Variants in CRACR2A observed in about 807,000 individuals in gnomAD.
CRACR2A encodes EF-hand calcium-binding domain-containing protein 4B.
A neutral mutation model predicts 90.5 loss-of-function variants in CRACR2A; 79 were observed. That is an observed-to-expected ratio of 0.87 (90% CI 0.73 to 1.05). The LOEUF is 1.05. Among genes scored for constraint, CRACR2A ranks in the 50% least tolerant of loss-of-function variants. The pLI is 0.00. For synonymous variants in CRACR2A, 338 were observed against 356.7 expected, an observed-to-expected ratio of 0.95 and a Z score of 0.59; for missense variants, 823 against 897.2, an observed-to-expected ratio of 0.92 and a Z score of 1.06.
At chr12:3,680,952 T>C (rs1423992935) in intron 4 of CRACR2A, among the ~76,000 whole-genome samples, 1 of 152,196 alleles carries the variant, frequency 6.6e-6, no homozygotes, top group Non-Finnish European at 1.5e-5. Flanking sequence ...GAGAGACTCA[T>C]GGCCCACTGA....
chr12:3,656,277 G>C, intron 9 of CRACR2A, 34 bp downstream of exon 9: 1 of 1,598,942 alleles, frequency 6.3e-7, no homozygotes, highest in Non-Finnish European at 8.6e-7. Context: ...AGAGTGAAGA[G>C]CCAGGTACTC....
chr12:3,643,815 A>G (rs1218747228), intron 12 of CRACR2A, among the ~76,000 whole-genome samples: 7 of 90,866 alleles, frequency 7.7e-5, no homozygotes, highest in African/African-American at 2.8e-4. Context: ...TTATATATAT[A>G]TTTATATTAT....
chr12:3,720,940 C>A (rs559291296), intron 2 of CRACR2A, among the ~76,000 whole-genome samples: 2 of 152,324 alleles, frequency 1.3e-5, no homozygotes, highest in South Asian at 4.1e-4. Flanking sequence ...AACACAACCC[C>A]ATGCAGGATG....
chr12:3,748,810 C>G (rs908974030), intron 1 of CRACR2A, among the ~76,000 whole-genome samples: 10 of 152,202 alleles, frequency 6.6e-5, no homozygotes, highest in African/African-American at 2.4e-4. Flanking sequence ...TTGTCCTCCC[C>G]CTCACCTCAG....
In CRACR2A at chr12:3,710,781, G is replaced by A. The variant is rs1283806993; in HGVS notation, c.-37+2456C>T. On this transcript the variant is annotated intron_variant, in intron 3 of 19. Transcript: ENST00000440314. The stretch of plus-strand genomic sequence containing the variant: ...GCACTCCAGCCTGGCGACAGAGCGA[G>A]GCTCCACCGCAAAAAAAAAAAAAAG... Among the ~76,000 whole-genome samples the A allele has an allele frequency of 5.4e-5, 8 of 147,534 alleles. No individual in the cohort carries two copies. In the Admixed American group the frequency reaches 5.5e-4, roughly 10 times the overall value.
intron 4 of CRACR2A, among the ~76,000 whole-genome samples, chr12:3,682,481 T>C (rs1945475007): frequency 6.6e-6 from 1 of 152,152 alleles, no homozygotes; most frequent in Admixed American, 6.5e-5. Context: ...GTCAGTTTCC[T>C]CCTCCCATTG....
chr12:3,712,660 T>C (rs1043176413), intron 3 of CRACR2A, among the ~76,000 whole-genome samples: 1 of 152,190 alleles, frequency 6.6e-6, no homozygotes, highest in African/African-American at 2.4e-5. Context: ...GGGATTACAA[T>C]TCAACATGAG....
chr12:3,691,501 C>A (rs573268702), intron 4 of CRACR2A, among the ~76,000 whole-genome samples: 1 of 151,990 alleles, frequency 6.6e-6, no homozygotes, highest in Non-Finnish European at 1.5e-5. Flanking sequence ...GGGTTTCTAC[C>A]GAGAAGTCTG....
chr12:3,735,345 G>C (rs1164024773), intron 1 of CRACR2A, among the ~76,000 whole-genome samples: 1 of 152,214 alleles, frequency 6.6e-6, no homozygotes, highest in East Asian at 1.9e-4. Flanking sequence ...AGGGTGCGGG[G>C]AGACCTGGCG....
chr12:3,644,553 A>G (rs1426163952), intron 12 of CRACR2A, 42 bp downstream of exon 12: 1 of 1,539,800 alleles, frequency 6.5e-7, no homozygotes, highest in East Asian at 2.4e-5. Context: ...AGTGGACCAC[A>G]GCCCTTGGTC....
At chr12:3,635,617 T>C (rs1944442058) in intron 14 of CRACR2A, among the ~76,000 whole-genome samples, 1 of 152,190 alleles carries the variant, frequency 6.6e-6, no homozygotes, top group Non-Finnish European at 1.5e-5. Context: ...GAACTCCTCC[T>C]GCCTCAGCCC....
intron 10 of CRACR2A, among the ~76,000 whole-genome samples, chr12:3,651,399 T>C (rs1944792267): frequency 1.3e-5 from 2 of 152,268 alleles, no homozygotes; most frequent in South Asian, 4.1e-4. Flanking sequence ...ATCGGGGCTA[T>C]GTGGGGGACA....
At chr12:3,663,800 G>A (rs551042413) in intron 7 of CRACR2A, among the ~76,000 whole-genome samples, 2 of 152,286 alleles carry the variant, frequency 1.3e-5, no homozygotes, top group East Asian at 1.9e-4. Flanking sequence ...CCACATTACA[G>A]TTGACGTATG....
At chr12:3,655,168 G>A (rs897179632) in intron 9 of CRACR2A, among the ~76,000 whole-genome samples, 8 of 152,202 alleles carry the variant, frequency 5.3e-5, no homozygotes, top group Non-Finnish European at 1.0e-4. Flanking sequence ...GGAATTTGGC[G>A]TGATTCTCAA....
chr12:3,638,053 C>T (rs954715791), intron 14 of CRACR2A, 71 bp downstream of exon 14: 34 of 1,429,016 alleles, frequency 2.4e-5, no homozygotes, highest in East Asian at 1.3e-4. Context: ...CCTCTCCGGG[C>T]GCTTGGCCTC....
At chr12:3,653,729 G>A (rs756245232) in intron 10 of CRACR2A, among the ~76,000 whole-genome samples, 11 of 152,180 alleles carry the variant, frequency 7.2e-5, no homozygotes, top group Non-Finnish European at 1.6e-4. Context: ...AGTGACACAT[G>A]CTCCATCAGA....
In CRACR2A at chr12:3,627,706, C is replaced by A. The variant is rs1355256929; in HGVS notation, c.1736G>T (p.Gly579Val). ...RFSPGMAATV[G>V]IDYRVKTLNV... ...CAACGTCTTCACACGGTAATCAATG[C>A]CTGCAGGGTGAAATGGGCCTGTCAG... The change falls in exon 16 of 20, where the codon GGC (glycine) becomes GTC (valine). Residue 579 changes from glycine (G) to valine (V), a missense_variant and splice_region_variant. Coordinates refer to ENST00000440314, the MANE Select transcript of CRACR2A (RefSeq NM_001144958.2). 1.3e-6 allele frequency: 2 copies of A among 1,551,758 alleles called. No individual in the cohort carries two copies. Among genetic ancestry groups the A allele is most frequent in the Non-Finnish European group, 8.7e-7 (1 of 1,147,008 alleles).
intron 10 of CRACR2A, 39 bp downstream of exon 10, chr12:3,654,173 C>T (rs369610903): frequency 1.9e-5 from 31 of 1,597,810 alleles, no homozygotes; most frequent in South Asian, 3.3e-5. Context: ...GGGAGTGGTG[C>T]GGGAAGACAG....
chr12:3,635,589 CT>C (rs1944441709), intron 14 of CRACR2A, among the ~76,000 whole-genome samples: 1 of 152,128 alleles, frequency 6.6e-6, no homozygotes, highest in South Asian at 2.1e-4. Context: ...TCACTGCAGC[CT>C]TGAACTCCTG....
Sources: gnomAD v4.1 joint callset for allele counts (sites outside exome capture counted in the v4.1 genomes callset) on GRCh38, gnomAD v4.1.1 for gene constraint, MANE v1.5 for transcripts, NCBI Gene and HGNC (gene_info 2026-07-23, HGNC 2026-07-21) for gene names.